NUMB: variants seen among roughly 807,000 people sequenced by gnomAD.
The protein encoded by NUMB is NUMB endocytic adaptor protein, also known as protein numb homolog.
A neutral mutation model predicts 59.7 loss-of-function variants in NUMB; 29 were observed. The observed-to-expected ratio is 0.49, with a 90% CI of 0.36 to 0.66. NUMB has a LOEUF of 0.66. Among genes scored for constraint, NUMB ranks in the 30% least tolerant of loss-of-function variants. The pLI, the probability that NUMB is intolerant of heterozygous loss-of-function variation, is 0.00. For synonymous variants in NUMB, 288 were observed against 288.2 expected, an observed-to-expected ratio of 1.00 and a Z score of 0.01; for missense variants, 723 against 822.0, an observed-to-expected ratio of 0.88 and a Z score of 1.47.
At chr14:73,362,430 A>G (rs1181637076) in intron 3 of NUMB, among the ~76,000 whole-genome samples, 2 of 152,032 alleles carry the variant, frequency 1.3e-5, no homozygotes, top group African/African-American at 4.8e-5. Flanking sequence ...GGTGAAAGAA[A>G]AAGAAAATTA....
intron 4 of NUMB, among the ~76,000 whole-genome samples, chr14:73,353,086 T>G (rs1267495620): frequency 1.8e-5 from 2 of 110,282 alleles, no homozygotes; most frequent in Non-Finnish European, 3.8e-5. Context: ...TTTTTTTTTT[T>G]TTTTTTTTTT....
At chr14:73,422,214 GTC>G (rs1897380155) in intron 1 of NUMB, among the ~76,000 whole-genome samples, 1 of 151,996 alleles carries the variant, frequency 6.6e-6, no homozygotes, top group African/African-American at 2.4e-5. Flanking sequence ...ATGCGGAACT[GTC>G]TCATACCTTG....
In NUMB at chr14:73,277,099, C is replaced by T. The variant is rs535989281; in HGVS notation, c.1435G>A (p.Ala479Thr). The T allele has an allele frequency of 1.5e-5, 24 of 1,614,096 alleles. No individual in the cohort carries two copies. The East Asian group carries it at 2.2e-4, about 15-fold the overall frequency. Residue 479 changes from alanine (A) to threonine (T), a missense_variant, in exon 13 of 13, where the codon GCA (alanine) becomes ACA (threonine). Ala to Thr is a moderately conservative substitution (Grantham distance 58). This residue lies in a region of NUMB where 406 missense variants were observed against 385.4 expected (regional missense o/e 1.05). Coordinates refer to ENST00000555238, the MANE Select transcript of NUMB (RefSeq NM_001005743.2). Reference sequence around the variant, plus strand: ...AATGCATTCCCTTGGAAAGGTGATGCTGGCTGGGAGATGGCAGTGGGTGGA... The same window carrying T: ...AATGCATTCCCTTGGAAAGGTGATGTTGGCTGGGAGATGGCAGTGGGTGGA... ...PPPPTAISQP[A>T]SPFQGNAFLT...
intron 2 of NUMB, among the ~76,000 whole-genome samples, chr14:73,382,246 G>C (rs531398278): frequency 2.6e-4 from 40 of 151,984 alleles, no homozygotes; most frequent in Non-Finnish European, 5.7e-4. Context: ...TCCTGGGTTC[G>C]AGTGATTCTC....
At chr14:73,434,081 G>A (rs916364314) in intron 1 of NUMB, among the ~76,000 whole-genome samples, 2 of 152,114 alleles carry the variant, frequency 1.3e-5, no homozygotes, top group African/African-American at 4.8e-5. Context: ...GTGACATAGG[G>A]AGACTCTGTC....
chr14:73,288,041 C>CTTAA (rs1317060321), intron 8 of NUMB, among the ~76,000 whole-genome samples: 1 of 152,150 alleles, frequency 6.6e-6, no homozygotes. Flanking sequence ...ATTTCAGGAG[C>CTTAA]TTAATGCACT....
At chr14:73,381,739 G>A (rs1895255596) in intron 2 of NUMB, among the ~76,000 whole-genome samples, 1 of 152,138 alleles carries the variant, frequency 6.6e-6, no homozygotes, top group African/African-American at 2.4e-5. Context: ...TTGCCTTACT[G>A]CAGTGATTAA....
At chr14:73,355,489 A>G (rs868588219) in intron 4 of NUMB, 137 bp downstream of exon 4, 10 of 628,412 alleles carry the variant, frequency 1.6e-5, no homozygotes, top group Middle Eastern at 3.9e-4. Flanking sequence ...TTCTCTTTTA[A>G]TTCTATCATT....
intron 2 of NUMB, among the ~76,000 whole-genome samples, chr14:73,385,760 C>A (rs1895484284): frequency 6.6e-6 from 1 of 152,048 alleles, no homozygotes; most frequent in African/African-American, 2.4e-5. Flanking sequence ...CCTCGGCCTC[C>A]CAAAGTGCTA....
intron 1 of NUMB, among the ~76,000 whole-genome samples, chr14:73,429,112 C>T (rs866605849): frequency 3.9e-5 from 6 of 152,214 alleles, no homozygotes; most frequent in South Asian, 2.1e-4. Flanking sequence ...TGGCTCACGC[C>T]TGTAATCCCA....
intron 1 of NUMB, among the ~76,000 whole-genome samples, chr14:73,419,102 CATA>C (rs1472179845): frequency 6.6e-6 from 1 of 151,932 alleles, no homozygotes; most frequent in East Asian, 1.9e-4. Flanking sequence ...TAAGTATGTT[CATA>C]ATGTCAGGTT....
At chr14:73,455,998 T>C (rs559714604) in intron 1 of NUMB, among the ~76,000 whole-genome samples, 1 of 151,768 alleles carries the variant, frequency 6.6e-6, no homozygotes, top group African/African-American at 2.4e-5. Flanking sequence ...ATTCTCAATA[T>C]CCAAAAAAGT....
intron 2 of NUMB, among the ~76,000 whole-genome samples, chr14:73,370,446 C>T (rs1266776195): frequency 2.0e-5 from 3 of 152,184 alleles, no homozygotes; most frequent in Non-Finnish European, 4.4e-5. Context: ...AATCCCAGCA[C>T]TTTGGGAGGC....
chr14:73,381,862 G>C lies in NUMB; in HGVS notation c.-100-14881C>G, dbSNP rs148086850. On this transcript the variant is annotated intron_variant, in intron 2 of 12. Transcript: ENST00000555238. ...TAATAAAAACAAATAAATAATGCAAGTAAGAGAAGACAGGCCAAAATACCA... is the reference window on the plus strand; with the variant it reads ...TAATAAAAACAAATAAATAATGCAACTAAGAGAAGACAGGCCAAAATACCA... Among the ~76,000 whole-genome samples, 372 of 152,164 alleles carry C rather than the reference G, an allele frequency of 2.4e-3. 3 individuals are homozygous for C. The highest frequency in any genetic ancestry group is 8.5e-3 in the African/African-American group (352 of 41,548).
In NUMB at chr14:73,416,272, T is replaced by C. The variant is rs547099565; in HGVS notation, c.-232-6204A>G. On this transcript the variant is annotated intron_variant, in intron 1 of 12. Coordinates refer to ENST00000555238, the MANE Select transcript of NUMB (RefSeq NM_001005743.2). The stretch of plus-strand genomic sequence containing the variant: ...GACACATTCTCCATACAAAATATGC[T>C]TAAGGGAAAAAATTATGTTAGTTGG... Among the ~76,000 whole-genome samples, 316 of 151,790 alleles carry C rather than the reference T, an allele frequency of 2.1e-3. 3 individuals carry two copies. The highest frequency in any genetic ancestry group is 7.3e-3 in the African/African-American group (301 of 41,452).
At chr14:73,310,037 G>C (rs371562063) in intron 6 of NUMB, among the ~76,000 whole-genome samples, 4 of 152,134 alleles carry the variant, frequency 2.6e-5, no homozygotes, top group Admixed American at 1.3e-4. Context: ...TATATTAACA[G>C]GATCTGTTAG....
intron 3 of NUMB, among the ~76,000 whole-genome samples, chr14:73,365,547 G>C (rs995751916): frequency 3.9e-5 from 6 of 152,010 alleles, no homozygotes; most frequent in African/African-American, 1.2e-4. Context: ...GAGGTGGAAG[G>C]ACTGCTCGAG....
intron 5 of NUMB, among the ~76,000 whole-genome samples, chr14:73,320,187 T>G (rs893136224): frequency 1.4e-4 from 22 of 152,004 alleles, no homozygotes; most frequent in Non-Finnish European, 2.5e-4. Context: ...AAACAGGAAA[T>G]TTACTCCAGT....
At position 73,374,719 on chromosome 14, in the gene NUMB, C is replaced by CTTT. The variant is rs368185389; in HGVS notation, c.-100-7741_-100-7739dup. On this transcript the variant is annotated intron_variant, in intron 2 of 12. Coordinates refer to ENST00000555238, the MANE Select transcript of NUMB (RefSeq NM_001005743.2). ...TTTTTAGCCCTTTAAGTTACATTAACTTTTTTTTTTTTTTTTTTTTTGAGA... is the reference window on the plus strand; with the variant it reads ...TTTTTAGCCCTTTAAGTTACATTAACTTTTTTTTTTTTTTTTTTTTTTTTGAGA... Among the ~76,000 whole-genome samples, 267 of 119,298 alleles carry CTTT rather than the reference C, an allele frequency of 2.2e-3. 5 individuals carry two copies. The highest frequency in any genetic ancestry group is 6.4e-3 in the African/African-American group (202 of 31,664). 78.3% of individuals were successfully genotyped at this position (119,298 alleles called of 152,430 possible).
Sources: gnomAD v4.1 joint callset for allele counts (sites outside exome capture counted in the v4.1 genomes callset) on GRCh38, gnomAD v4.1.1 for gene constraint, gnomAD v4.1.1 regional missense constraint, MANE v1.5 for transcripts, NCBI Gene and HGNC (gene_info 2026-07-23, HGNC 2026-07-21) for gene names.